Variants in NFIA observed in about 807,000 individuals in gnomAD.
NFIA encodes nuclear factor I A.
NFIA carries 8 observed loss-of-function variants against 62.8 expected under a neutral mutation model. The observed-to-expected ratio is 0.13, with a 90% CI of 0.07 to 0.23. The LOEUF (loss-of-function observed/expected upper bound fraction) is 0.23, where lower values mean the gene tolerates loss of function less well. Among genes scored for constraint, NFIA ranks in the 10% least tolerant of loss-of-function variants. NFIA has a pLI of 1.00. For missense variants in NFIA, 410 were observed against 642.1 expected (o/e 0.64, Z 3.91); for synonymous variants, 235 against 238.1 (o/e 0.99, Z 0.12).
In NFIA at chr1:61,314,771, C is replaced by T. The variant is rs139824006; in HGVS notation, c.626-17741C>T. On this transcript the variant is annotated intron_variant, in intron 3 of 10. Transcript: ENST00000403491. ...TTTATTGAGGCCTACATTGCAGCGA[C>T]CTGTGATGCTCTAAGGATACAGAAA... Among the ~76,000 whole-genome samples the T allele has an allele frequency of 1.8e-3, 275 of 152,286 alleles. 2 individuals are homozygous for T. The highest frequency in any genetic ancestry group is 6.0e-3 in the African/African-American group (249 of 41,564).
At chr1:61,386,022 C>G (rs1245168011) in intron 7 of NFIA, 1 of 152,158 alleles carries the variant, frequency 6.6e-6, no homozygotes, top group African/African-American at 2.4e-5. Context: ...TGGTAAGAAT[C>G]ATAAGAATTG....
At position 61,233,697 on chromosome 1, in the gene NFIA, A is replaced by G. The variant is rs1654813292; in HGVS notation, c.560-43823A>G. ...CTGTAAAATTGGGATGATAGTAACC[A>G]CCTCAAAGAGGATTTGTGAGATGAA... On this transcript the variant is annotated intron_variant, in intron 2 of 10. Transcript: ENST00000403491. Among the ~76,000 whole-genome samples the G allele has an allele frequency of 2.0e-5, 3 of 152,300 alleles. No individual in the cohort carries two copies. In the Middle Eastern group the frequency reaches 0.01, roughly 518 times the overall value.
chr1:61,326,359 G>T (rs1279425937), intron 3 of NFIA, among the ~76,000 whole-genome samples: 4 of 152,202 alleles, frequency 2.6e-5, no homozygotes, highest in Non-Finnish European at 5.9e-5. Flanking sequence ...GGAATATGTG[G>T]ATGGTTCATT....
chr1:61,428,860 GA>G (rs1666983069), intron 10 of NFIA, among the ~76,000 whole-genome samples: 1 of 152,032 alleles, frequency 6.6e-6, no homozygotes, highest in African/African-American at 2.4e-5. Flanking sequence ...TATATTAATT[GA>G]ATTACAGGAA....
intron 7 of NFIA, among the ~76,000 whole-genome samples, chr1:61,390,109 G>C (rs1473363395): frequency 6.6e-6 from 1 of 152,182 alleles, no homozygotes; most frequent in Non-Finnish European, 1.5e-5. Flanking sequence ...GGTAGAAAAT[G>C]AGGGGAAGGA....
intron 2 of NFIA, among the ~76,000 whole-genome samples, chr1:61,259,731 G>A (rs1319985962): frequency 6.6e-6 from 1 of 152,028 alleles, no homozygotes; most frequent in Non-Finnish European, 1.5e-5. Context: ...AAGGTTGTTG[G>A]CGTAAACAAG....
At chr1:61,273,383 T>C (rs1452461309) in intron 2 of NFIA, among the ~76,000 whole-genome samples, 1 of 152,134 alleles carries the variant, frequency 6.6e-6, no homozygotes, top group African/African-American at 2.4e-5. Context: ...TTCTAAACAC[T>C]GTGTAAGATT....
chr1:61,231,084 G>A (rs1055418048), intron 2 of NFIA, among the ~76,000 whole-genome samples: 15 of 152,136 alleles, frequency 9.9e-5, no homozygotes, highest in African/African-American at 3.1e-4. Context: ...TGTAAAGCTC[G>A]TTGCATCTCT....
intron 2 of NFIA, among the ~76,000 whole-genome samples, chr1:61,262,579 T>TA (rs143968057): frequency 0.014 from 2,173 of 152,274 alleles, 52 homozygotes; most frequent in African/African-American, 0.049. Context: ...AGTCAAGACT[T>TA]ATGGCTTTGT....
intron 6 of NFIA, among the ~76,000 whole-genome samples, chr1:61,370,803 T>C (rs986574756): frequency 1.3e-5 from 2 of 152,196 alleles, no homozygotes; most frequent in Non-Finnish European, 2.9e-5. Flanking sequence ...CCAAGCATCT[T>C]GTTCCTCATT....
chr1:61,137,366 T>G (rs1647216673), intron 2 of NFIA, among the ~76,000 whole-genome samples: 1 of 152,194 alleles, frequency 6.6e-6, no homozygotes, highest in African/African-American at 2.4e-5. Flanking sequence ...AATTGCATTT[T>G]AGCATAGAAG....
At chr1:61,095,544 G>T (rs1197874202) in intron 2 of NFIA, among the ~76,000 whole-genome samples, 8 of 152,094 alleles carry the variant, frequency 5.3e-5, no homozygotes, top group Non-Finnish European at 7.4e-5. Context: ...GAATCAAAGG[G>T]AAAGTAAAAA....
intron 2 of NFIA, among the ~76,000 whole-genome samples, chr1:61,134,452 G>T (rs1490091963): frequency 6.6e-6 from 1 of 152,092 alleles, no homozygotes; most frequent in Non-Finnish European, 1.5e-5. Flanking sequence ...GTGGAAAGCG[G>T]GGTCTGCTGT....
chr1:61,243,937 T>G (rs1199207534), intron 2 of NFIA, among the ~76,000 whole-genome samples: 1 of 152,212 alleles, frequency 6.6e-6, no homozygotes, highest in Non-Finnish European at 1.5e-5. Context: ...ATTTTTTCTA[T>G]TAGTCCTTCC....
intron 7 of NFIA, among the ~76,000 whole-genome samples, chr1:61,392,316 GA>G (rs1222216036): frequency 6.6e-6 from 1 of 151,372 alleles, no homozygotes; most frequent in Non-Finnish European, 1.5e-5. Flanking sequence ...CCAGCCAAAG[GA>G]AAAAAAGAGT....
Position 61,278,485 on chromosome 1 carries a change from T to G in NFIA, c.625+900T>G, listed in dbSNP as rs116752919. On this transcript the variant is annotated intron_variant, in intron 3 of 10. Transcript: ENST00000403491. ...AGGGCCTGTGGGGAGAATATGCCAT[T>G]GTGATTAAAAGCTCAGGCTGTGGGC... Among the ~76,000 whole-genome samples, 458 of 152,260 alleles carry G rather than the reference T, an allele frequency of 3.0e-3. 1 individual carries two copies. The highest frequency in any genetic ancestry group is 0.011 in the African/African-American group (439 of 41,556).
At chr1:61,308,045 C>T (rs1659896616) in intron 3 of NFIA, among the ~76,000 whole-genome samples, 1 of 152,240 alleles carries the variant, frequency 6.6e-6, no homozygotes, top group Non-Finnish European at 1.5e-5. Flanking sequence ...AATGAATTTA[C>T]CTTTATGACA....
At chr1:61,361,674 A>G (rs981442219) in intron 6 of NFIA, among the ~76,000 whole-genome samples, 3 of 152,090 alleles carry the variant, frequency 2.0e-5, no homozygotes, top group African/African-American at 7.2e-5. Context: ...TCCTATTCCT[A>G]TCTGTACATT....
intron 2 of NFIA, among the ~76,000 whole-genome samples, chr1:61,169,616 C>T (rs538824802): frequency 4.4e-4 from 67 of 152,288 alleles, no homozygotes; most frequent in African/African-American, 1.4e-3. Context: ...CAGTAATGTT[C>T]GGTGGTCAAC....
Sources: gnomAD v4.1 joint callset for allele counts (sites outside exome capture counted in the v4.1 genomes callset) on GRCh38, gnomAD v4.1.1 for gene constraint, MANE v1.5 for transcripts, NCBI Gene and HGNC (gene_info 2026-07-23, HGNC 2026-07-21) for gene names.